The following DIPK1A variants were observed in gnomAD, a reference collection of about 807,000 sequenced individuals.
DIPK1A encodes the protein divergent protein kinase domain 1A.
Under a neutral mutation model 40.8 loss-of-function variants are expected in DIPK1A, and 27 were observed. The ratio of observed to expected loss-of-function variants is 0.66; its 90% CI spans 0.49 to 0.91. The LOEUF is 0.91. Among genes scored for constraint, DIPK1A ranks in the 40% least tolerant of loss-of-function variants. The pLI is 0.00. For missense variants in DIPK1A, 412 were observed against 505.7 expected (o/e 0.81, Z 1.78); for synonymous variants, 166 against 171.3 (o/e 0.97, Z 0.24).
intron 1 of DIPK1A, among the ~76,000 whole-genome samples, chr1:92,888,322 A>G (rs771421497): frequency 6.6e-6 from 1 of 152,170 alleles, no homozygotes; most frequent in African/African-American, 2.4e-5. Flanking sequence ...TTCACTTAAT[A>G]TAATGTCCCC....
At chr1:92,931,057 A>G (rs1265575666) in intron 1 of DIPK1A, 1 of 152,210 alleles carries the variant, frequency 6.6e-6, no homozygotes, top group East Asian at 1.9e-4. Context: ...TATTTGACAA[A>G]TGTTTGTTGA....
At chr1:92,833,092 C>T in intron 4 of DIPK1A, 1 of 707,002 alleles carries the variant, frequency 1.4e-6, no homozygotes, top group South Asian at 1.5e-5. Context: ...AGCAATATAA[C>T]AATAATTTTA....
At chr1:92,885,128 A>C (rs567920361) in intron 1 of DIPK1A, among the ~76,000 whole-genome samples, 1 of 152,242 alleles carries the variant, frequency 6.6e-6, no homozygotes, top group African/African-American at 2.4e-5. Context: ...TACTGAAGAG[A>C]CCAGGGAGGG....
chr1:92,937,086 T>G (rs772913938), intron 1 of DIPK1A, among the ~76,000 whole-genome samples: 6 of 152,228 alleles, frequency 3.9e-5, no homozygotes, highest in Non-Finnish European at 8.8e-5. Flanking sequence ...TAATTGCACT[T>G]AAGTCCTTTG....
intron 1 of DIPK1A, among the ~76,000 whole-genome samples, chr1:92,937,676 T>A (rs12025156): frequency 1.5e-5 from 2 of 130,346 alleles, no homozygotes; most frequent in African/African-American, 5.8e-5. Context: ...AAAAAATACA[T>A]GTATCTTTAA....
chr1:92,864,395 C>T (rs772227888), intron 2 of DIPK1A, among the ~76,000 whole-genome samples: 2 of 151,154 alleles, frequency 1.3e-5, no homozygotes, highest in African/African-American at 4.9e-5. Flanking sequence ...AAAGGATGTG[C>T]TCATATAATG....
At chr1:92,861,321 CTTTTTTT>C (rs71230876) in intron 2 of DIPK1A, among the ~76,000 whole-genome samples, 1 of 83,546 alleles carries the variant, frequency 1.2e-5, no homozygotes, top group Admixed American at 2.0e-4. Flanking sequence ...CTCTCTCTCT[CTTTTTTT>C]TTTTTTTTTT....
chr1:92,891,867 G>T (rs111427542), intron 1 of DIPK1A, among the ~76,000 whole-genome samples: 6 of 152,164 alleles, frequency 3.9e-5, no homozygotes, highest in Non-Finnish European at 8.8e-5. Context: ...TATATCCTAC[G>T]CATGGCTTGG....
intron 1 of DIPK1A, among the ~76,000 whole-genome samples, chr1:92,914,518 C>T (rs1189354324): frequency 6.6e-6 from 1 of 152,066 alleles, no homozygotes; most frequent in Non-Finnish European, 1.5e-5. Flanking sequence ...GCGTGTAATC[C>T]CAGCACTTTG....
intron 2 of DIPK1A, among the ~76,000 whole-genome samples, chr1:92,874,596 GAAAT>G (rs1648027855): frequency 6.6e-6 from 1 of 152,198 alleles, no homozygotes; most frequent in African/African-American, 2.4e-5. Context: ...TAGAGAAAGA[GAAAT>G]AAACATTTCA....
intron 1 of DIPK1A, among the ~76,000 whole-genome samples, chr1:92,921,561 G>A (rs1453059588): frequency 6.6e-6 from 1 of 152,184 alleles, no homozygotes; most frequent in Non-Finnish European, 1.5e-5. Context: ...GGAGGACGGT[G>A]GGACCTGAGG....
intron 2 of DIPK1A, among the ~76,000 whole-genome samples, chr1:92,866,685 G>A (rs2100757385): frequency 6.6e-6 from 1 of 152,294 alleles, no homozygotes; most frequent in Non-Finnish European, 1.5e-5. Flanking sequence ...TTAAGAGAGA[G>A]TATCCTAGAT....
intron 1 of DIPK1A, among the ~76,000 whole-genome samples, chr1:92,892,936 G>A (rs1648966953): frequency 6.6e-6 from 1 of 152,042 alleles, no homozygotes; most frequent in Non-Finnish European, 1.5e-5. Context: ...ATGAAGCCAG[G>A]AGAGACGTTT....
intron 2 of DIPK1A, among the ~76,000 whole-genome samples, chr1:92,872,034 C>T (rs1483144554): frequency 2.0e-5 from 3 of 150,328 alleles, no homozygotes; most frequent in African/African-American, 4.9e-5. Flanking sequence ...TTTGAGAACC[C>T]TCCATACTAT....
chr1:92,926,498 T>G (rs1367740952), intron 1 of DIPK1A, among the ~76,000 whole-genome samples: 1 of 152,202 alleles, frequency 6.6e-6, no homozygotes. Flanking sequence ...TTTTGGGTAT[T>G]GGGTTCTATA....
At chr1:92,898,816 G>A (rs1458555154) in intron 1 of DIPK1A, among the ~76,000 whole-genome samples, 8 of 151,962 alleles carry the variant, frequency 5.3e-5, no homozygotes, top group Non-Finnish European at 1.2e-4. Flanking sequence ...AGGCTGGAGT[G>A]CACTGGCACA....
At chr1:92,865,041 C>CAAAAAA (rs56735279) in intron 2 of DIPK1A, among the ~76,000 whole-genome samples, 5 of 70,442 alleles carry the variant, frequency 7.1e-5, no homozygotes, top group South Asian at 7.1e-4. Context: ...GACTCCGTCT[C>CAAAAAA]AAAAAAAAAA....
chr1:92,908,794 G>A (rs1020872778), intron 1 of DIPK1A, among the ~76,000 whole-genome samples: 1 of 152,220 alleles, frequency 6.6e-6, no homozygotes, highest in South Asian at 2.1e-4. Flanking sequence ...CCAAAGAGGG[G>A]ACAAAGGGGC....
At chr1:92,837,677 A>C (rs552513062), downstream of DIPK1A, 1 of 1,536,910 alleles carries the variant, frequency 6.5e-7, no homozygotes, top group East Asian at 2.3e-5. Context: ...TAATTTATGG[A>C]AATAGGTTTA....
Sources: gnomAD v4.1 joint callset for allele counts (sites outside exome capture counted in the v4.1 genomes callset) on GRCh38, gnomAD v4.1.1 for gene constraint, MANE v1.5 for transcripts, NCBI Gene and HGNC (gene_info 2026-07-23, HGNC 2026-07-21) for gene names.